The following RPS6KA2 variants were observed in gnomAD, a reference collection of about 807,000 sequenced individuals.
RPS6KA2 encodes the protein ribosomal protein S6 kinase A2.
Under a neutral mutation model 91.8 loss-of-function variants are expected in RPS6KA2, and 42 were observed. That is an observed-to-expected ratio of 0.46 (90% CI 0.36 to 0.59). The LOEUF is 0.59. Ranked by LOEUF, RPS6KA2 falls within the 20% of genes least tolerant of loss-of-function variation. The pLI is 0.00. For missense variants in RPS6KA2, 798 were observed against 978.5 expected (o/e 0.82, Z 2.46); for synonymous variants, 414 against 393.6 (o/e 1.05, Z -0.61).
chr6:166,589,789 C>A (rs1313203920), intron 1 of RPS6KA2, among the ~76,000 whole-genome samples: 1 of 152,178 alleles, frequency 6.6e-6, no homozygotes, highest in African/African-American at 2.4e-5. Context: ...CCAAACAAAT[C>A]AGATTTGTTG....
At chr6:166,449,850 A>G (rs62438439) in intron 13 of RPS6KA2, among the ~76,000 whole-genome samples, 13 of 87,070 alleles carry the variant, frequency 1.5e-4, no homozygotes, top group East Asian at 1.0e-3. Flanking sequence ...GACAACCACG[A>G]GGACCACCAT....
chr6:166,729,812 T>C (rs1790457276), intron 2 of RPS6KA2, among the ~76,000 whole-genome samples: 1 of 152,218 alleles, frequency 6.6e-6, no homozygotes, highest in Non-Finnish European at 1.5e-5. Context: ...GTTTTCTTAT[T>C]TATATTCCCC....
At position 166,559,607 on chromosome 6, in the gene RPS6KA2, C is replaced by T. The variant is rs138432386; in HGVS notation, c.100-20823G>A. Among the ~76,000 whole-genome samples the T allele has an allele frequency of 1.6e-3, 245 of 152,240 alleles. 1 individual carries two copies. Among genetic ancestry groups the T allele is most frequent in the African/African-American group, 5.6e-3 (232 of 41,540 alleles). ...TTTCAGTAACTTGTATGAGTAAAAA[C>T]GATAAGCAGGGCCTCCTAAACTCTC... On this transcript the variant is annotated intron_variant, in intron 1 of 20. Coordinates refer to ENST00000265678, the MANE Select transcript of RPS6KA2 (RefSeq NM_021135.6).
At chr6:166,575,674 GAAC>G in intron 1 of RPS6KA2, among the ~76,000 whole-genome samples, 1 of 152,038 alleles carries the variant, frequency 6.6e-6, no homozygotes, top group South Asian at 2.1e-4. Context: ...TAAGACCTCA[GAAC>G]AACACCTCCC....
rs149761272 is a variant in RPS6KA2 at position 166,746,695 on chromosome 6, T to C, written c.123+111505A>G. ...AACTGGCTATAAATAGGGGTTCCTA[T>C]TGTCTTCAACTAATTTGCTTCAAGT... On this transcript the variant is annotated intron_variant, in intron 2 of 21. Transcript: ENST00000503859. Among the ~76,000 whole-genome samples the C allele has an allele frequency of 7.9e-5, 12 of 152,276 alleles. No individual in the cohort carries two copies. The East Asian group carries it at 2.3e-3, about 29-fold the overall frequency.
Position 166,852,641 on chromosome 6 carries a change from T to C in RPS6KA2, c.123+5559A>G, listed in dbSNP as rs56248817. On this transcript the variant is annotated intron_variant, in intron 2 of 21. Coordinates refer to the RPS6KA2 transcript ENST00000503859. This position sits in a 1 kb window ranked among gnomAD's most constrained non-coding sequence, Gnocchi z 4.1. ...CTGACCCTTTTCCTCACCAGGGGAC[T>C]CGTCGAGGGGTCCAAGCAGCAACGG... is the stretch of plus-strand genomic sequence containing the variant. Among the ~76,000 whole-genome samples, 2,196 of 152,098 alleles carry C rather than the reference T, an allele frequency of 0.014. 35 individuals carry two copies. The highest frequency in any genetic ancestry group is 0.022 in the Non-Finnish European group (1,524 of 67,994).
chr6:166,700,698 A>G (rs932707365), intron 2 of RPS6KA2, among the ~76,000 whole-genome samples: 1 of 152,084 alleles, frequency 6.6e-6, no homozygotes, highest in Non-Finnish European at 1.5e-5. Flanking sequence ...TTCTGCTCCA[A>G]TTTTAACAAT....
At chr6:166,682,342 G>T (rs1409213042) in intron 2 of RPS6KA2, among the ~76,000 whole-genome samples, 1 of 152,214 alleles carries the variant, frequency 6.6e-6, no homozygotes, top group Non-Finnish European at 1.5e-5. Context: ...ACTGCTCCGT[G>T]TCTGGCTCAG....
chr6:166,633,147 G>T (rs1787136250), intron 2 of RPS6KA2, among the ~76,000 whole-genome samples: 1 of 152,240 alleles, frequency 6.6e-6, no homozygotes, highest in African/African-American at 2.4e-5. Flanking sequence ...TTGAACCTGG[G>T]AGGCGGAGAC....
intron 19 of RPS6KA2, among the ~76,000 whole-genome samples, chr6:166,417,648 CACA>C (rs1778582866): frequency 6.6e-6 from 1 of 152,070 alleles, no homozygotes; most frequent in Non-Finnish European, 1.5e-5. Context: ...CACACACACA[CACA>C]CGCACGCATG....
intron 14 of RPS6KA2, among the ~76,000 whole-genome samples, chr6:166,432,994 CA>C (rs397728789): frequency 0.031 from 2,598 of 82,750 alleles, 45 homozygotes; most frequent in African/African-American, 0.076. Context: ...GACTCTGTCT[CA>C]AAAAAAAAAA....
At chr6:166,431,765 C>G (rs771836128) in intron 15 of RPS6KA2, among the ~76,000 whole-genome samples, 10 of 151,812 alleles carry the variant, frequency 6.6e-5, no homozygotes, top group Non-Finnish European at 1.3e-4. Flanking sequence ...TACAGGTGTG[C>G]GCCACCACAC....
upstream of RPS6KA2, chr6:166,627,303 C>T: frequency 1.2e-6 from 1 of 854,908 alleles, no homozygotes. Context: ...CCACTACCAC[C>T]AATCAGCGCC....
rs955778437 is a variant in RPS6KA2, at chr6:166,471,289, G to A, written c.908-1384C>T. On this transcript the variant is annotated intron_variant, in intron 10 of 20. Transcript: ENST00000265678. The stretch of plus-strand genomic sequence containing the variant: ...GTCACCGGGAGTCACAGCAGATGGT[G>A]CCATCGTTGGCTGGAACTGCCCGTG... Among the ~76,000 whole-genome samples, 4 of 152,338 alleles carry A rather than the reference G, an allele frequency of 2.6e-5. No individual in the cohort carries two copies. In the East Asian group the frequency reaches 7.7e-4, roughly 29 times the overall value.
intron 5 of RPS6KA2, among the ~76,000 whole-genome samples, chr6:166,505,802 TGTATGTTTCTTTTCTAG>T (rs1369533602): frequency 6.6e-6 from 1 of 152,154 alleles, no homozygotes; most frequent in African/African-American, 2.4e-5. Flanking sequence ...CTTTCCCGGA[TGTATGTTTCTTTTCTAG>T]ATCGGTTAAG....
chr6:166,448,593 G>T lies in RPS6KA2; in HGVS notation c.1332+131C>A. ...CCTATGCTCCGTGCTCCCATGTGCT[G>T]TACATGCTCCCACACGCTGCACTCA... On this transcript the variant is annotated intron_variant, in intron 14 of 20. Transcript: ENST00000265678. The surrounding 1 kb of genome is among the most constrained non-coding windows in gnomAD (Gnocchi z 4.7). The T allele has an allele frequency of 8.4e-7, 1 of 1,195,288 alleles. No homozygotes were observed. Among genetic ancestry groups the T allele is most frequent in the Non-Finnish European group, 1.2e-6 (1 of 863,014 alleles). The allele number at this position is 1,195,288 out of a possible 1,614,324, so 74.0% of individuals were successfully genotyped here.
intron 13 of RPS6KA2, among the ~76,000 whole-genome samples, chr6:166,449,603 C>T (rs559690531): frequency 6.6e-6 from 1 of 152,258 alleles, no homozygotes; most frequent in African/African-American, 2.4e-5. Context: ...ACAAATTAAA[C>T]TGCTACCCTA....
chr6:166,654,615 G>A lies in RPS6KA2; in HGVS notation c.124-115831C>T, dbSNP rs1420722036. 3.3e-5 allele frequency among the ~76,000 whole-genome samples: 5 copies of A among 152,196 alleles called. No individual in the cohort carries two copies. In the South Asian group the frequency reaches 6.2e-4, roughly 19 times the overall value. On this transcript the variant is annotated intron_variant, in intron 2 of 21. Coordinates refer to the RPS6KA2 transcript ENST00000503859. ...TCACAAAGTTTTTCACTTATTTGTC[G>A]AATCTCAACAGTATTCTTGAATGAA... is the stretch of plus-strand genomic sequence containing the variant.
At chr6:166,730,313 G>A (rs1371058439) in intron 2 of RPS6KA2, among the ~76,000 whole-genome samples, 1 of 152,060 alleles carries the variant, frequency 6.6e-6, no homozygotes, top group African/African-American at 2.4e-5. Flanking sequence ...TTTGGTTTAT[G>A]AGTTATGGAC....
Sources: allele counts gnomAD v4.1 joint callset (sites outside exome capture counted in the v4.1 genomes callset), GRCh38; gene constraint gnomAD v4.1.1; non-coding constraint Gnocchi (gnomAD v3.1); transcripts MANE v1.5; gene names NCBI Gene and HGNC (gene_info 2026-07-23, HGNC 2026-07-21).